RAD51B: variants seen among roughly 807,000 people sequenced by gnomAD.
RAD51B encodes RAD51 paralog B, also known as DNA repair protein RAD51 homolog 2.
In RAD51B, 38 loss-of-function variants were observed where a neutral mutation model predicts 42.2. The ratio of observed to expected loss-of-function variants is 0.90; its 90% CI spans 0.70 to 1.18. The LOEUF is 1.18. Among genes scored for constraint, RAD51B ranks in the 50% most tolerant of loss-of-function variants. The pLI, the probability that RAD51B is intolerant of heterozygous loss-of-function variation, is 0.00. For synonymous variants in RAD51B, 154 were observed against 145.2 expected (o/e 1.06, Z -0.43); for missense variants, 373 against 400.7 (o/e 0.93, Z 0.59).
At chr14:67,996,712 T>C (rs2075391615) in intron 7 of RAD51B, among the ~76,000 whole-genome samples, 2 of 152,122 alleles carry the variant, frequency 1.3e-5, no homozygotes, top group Admixed American at 1.3e-4. Context: ...ACTGAATGGA[T>C]GGATGCATTG....
At chr14:68,057,103 A>AG (rs1566611595) in intron 7 of RAD51B, among the ~76,000 whole-genome samples, 1 of 151,788 alleles carries the variant, frequency 6.6e-6, no homozygotes, top group East Asian at 1.9e-4. Flanking sequence ...AAAAAAAAAA[A>AG]CAAAGGAAGA....
intron 8 of RAD51B, among the ~76,000 whole-genome samples, chr14:68,394,910 C>T (rs956282724): frequency 1.3e-5 from 2 of 152,214 alleles, no homozygotes; most frequent in East Asian, 1.9e-4. Flanking sequence ...CCCTCACCCC[C>T]GCCTGCTCTT....
intron 11 of RAD51B, among the ~76,000 whole-genome samples, chr14:68,669,627 T>TACACACACAC (rs34821600): frequency 4.1e-4 from 60 of 148,024 alleles, no homozygotes; most frequent in African/African-American, 1.4e-3. Flanking sequence ...ACCCGCCACT[T>TACACACACAC]ACACACACAC....
At chr14:68,427,188 G>A (rs2084872277) in intron 9 of RAD51B, among the ~76,000 whole-genome samples, 2 of 152,242 alleles carry the variant, frequency 1.3e-5, no homozygotes, top group African/African-American at 4.8e-5. Flanking sequence ...GCAGAGCCAT[G>A]GCAGAGAGCC....
At chr14:68,408,571 A>C (rs2084339823) in intron 8 of RAD51B, among the ~76,000 whole-genome samples, 1 of 152,224 alleles carries the variant, frequency 6.6e-6, no homozygotes, top group Non-Finnish European at 1.5e-5. Context: ...GATGGGAATG[A>C]GGCATATCTG....
intron 10 of RAD51B, among the ~76,000 whole-genome samples, chr14:68,546,767 G>A (rs922339597): frequency 2.0e-5 from 3 of 152,182 alleles, no homozygotes; most frequent in African/African-American, 7.2e-5. Flanking sequence ...AGGACTTCTG[G>A]CTACTATGGG....
intron 10 of RAD51B, among the ~76,000 whole-genome samples, chr14:68,570,146 T>TC (rs887675788): frequency 5.9e-5 from 9 of 152,162 alleles, no homozygotes; most frequent in African/African-American, 2.2e-4. Context: ...AGAGTGAGCC[T>TC]CCCCAGTGGC....
intron 7 of RAD51B, among the ~76,000 whole-genome samples, chr14:68,062,805 ACT>A (rs1431007622): frequency 7.2e-6 from 1 of 139,350 alleles, no homozygotes; most frequent in African/African-American, 2.8e-5. Flanking sequence ...CAAGAGTGAG[ACT>A]CTGTGACAAA....
intron 7 of RAD51B, among the ~76,000 whole-genome samples, chr14:68,028,085 G>A (rs907164309): frequency 1.3e-5 from 2 of 152,172 alleles, no homozygotes; most frequent in Admixed American, 1.3e-4. Context: ...AGTTAGGGGG[G>A]CATATTACCA....
chr14:68,511,075 T>C (rs1191056445), intron 10 of RAD51B, among the ~76,000 whole-genome samples: 1 of 152,194 alleles, frequency 6.6e-6, no homozygotes, highest in Non-Finnish European at 1.5e-5. Context: ...AGGTGCTCTT[T>C]CTCTCCCTGG....
chr14:68,192,116 A>G (rs2079279789), intron 7 of RAD51B, among the ~76,000 whole-genome samples: 1 of 152,204 alleles, frequency 6.6e-6, no homozygotes, highest in Non-Finnish European at 1.5e-5. Context: ...AATTCAGGTC[A>G]CCTACAGGCC....
intron 10 of RAD51B, chr14:68,541,492 G>A (rs764617678): frequency 1.0e-6 from 1 of 985,314 alleles, no homozygotes; most frequent in Non-Finnish European, 1.2e-6. Flanking sequence ...AGTGGAAGGA[G>A]CCCTCGTGAT....
At chr14:68,043,161 G>A (rs1013867390) in intron 7 of RAD51B, among the ~76,000 whole-genome samples, 1 of 152,204 alleles carries the variant, frequency 6.6e-6, no homozygotes, top group Non-Finnish European at 1.5e-5. Context: ...TCTCTGGTTG[G>A]TGGTTCTTGA....
intron 8 of RAD51B, among the ~76,000 whole-genome samples, chr14:68,385,097 C>A (rs2083564573): frequency 1.3e-5 from 2 of 152,010 alleles, no homozygotes; most frequent in South Asian, 4.2e-4. Flanking sequence ...AGTTCGGACA[C>A]CACATTGTGT....
At chr14:68,449,001 AT>A (rs1429545086) in intron 9 of RAD51B, among the ~76,000 whole-genome samples, 4 of 152,242 alleles carry the variant, frequency 2.6e-5, no homozygotes, top group African/African-American at 9.6e-5. Context: ...ACCATATATA[AT>A]GTTATATAAA....
chr14:68,339,753 T>A (rs2082534070), intron 8 of RAD51B, among the ~76,000 whole-genome samples: 1 of 152,216 alleles, frequency 6.6e-6, no homozygotes, highest in Admixed American at 6.5e-5. Flanking sequence ...CTCTTATAAA[T>A]AGGGATCAGT....
chr14:68,174,752 C>T (rs768921315), intron 7 of RAD51B, among the ~76,000 whole-genome samples: 6 of 152,142 alleles, frequency 3.9e-5, no homozygotes, highest in East Asian at 1.9e-4. Flanking sequence ...ATCTTCTCAA[C>T]GGGTCTGCAA....
intron 7 of RAD51B, among the ~76,000 whole-genome samples, chr14:68,187,213 G>A (rs1457253160): frequency 6.6e-6 from 1 of 152,162 alleles, no homozygotes; most frequent in African/African-American, 2.4e-5. Flanking sequence ...AGAGAAGGGA[G>A]GGAGGAATTG....
At chr14:68,560,201 G>A (rs141531277) in intron 10 of RAD51B, among the ~76,000 whole-genome samples, 1 of 152,254 alleles carries the variant, frequency 6.6e-6, no homozygotes, top group African/African-American at 2.4e-5. Flanking sequence ...GATTTTTCAC[G>A]GAGGTCTTGC....
Sources: allele counts gnomAD v4.1 joint callset (sites outside exome capture counted in the v4.1 genomes callset), GRCh38; gene constraint gnomAD v4.1.1; transcripts MANE v1.5; gene names NCBI Gene and HGNC (gene_info 2026-07-23, HGNC 2026-07-21).